The following PTGS1 variants were observed in gnomAD, a reference collection of about 807,000 sequenced individuals.
PTGS1 encodes prostaglandin G/H synthase 1.
In PTGS1, 40 loss-of-function variants were observed where a neutral mutation model predicts 63.0. The observed-to-expected ratio is 0.63, with a 90% CI of 0.49 to 0.83. PTGS1 has a LOEUF of 0.83. Among genes scored for constraint, PTGS1 ranks in the 40% least tolerant of loss-of-function variants. PTGS1 has a pLI of 0.00. For synonymous variants in PTGS1, 298 were observed against 301.9 expected (o/e 0.99, Z 0.13); for missense variants, 709 against 786.5 (o/e 0.90, Z 1.18).
Position 122,378,804 on chromosome 9 carries a change from A to G in PTGS1, c.382A>G (p.Thr128Ala). ...CTCCAACCTTATCCCCAGTCCCCCC[A>G]CCTACAACTCAGCACATGACTACAT... is the stretch of plus-strand genomic sequence containing the variant. ...VRSNLIPSPPTYNSAHDYISW... is the reference protein window; with the variant it reads ...VRSNLIPSPPAYNSAHDYISW... Residue 128 changes from threonine to alanine, a missense_variant, in exon 5 of 11, where the codon ACC becomes GCC. Physicochemically the swap from Thr to Ala is moderately conservative, Grantham distance 58. Coordinates refer to ENST00000362012, the MANE Select transcript of PTGS1 (RefSeq NM_000962.4). 1 of 1,614,116 alleles carries G rather than the reference A, an allele frequency of 6.2e-7. No homozygotes were observed. The highest frequency in any genetic ancestry group is 8.5e-7 in the Non-Finnish European group (1 of 1,179,998).
chr9:122,378,238 G>A (rs1345633887), intron 3 of PTGS1, among the ~76,000 whole-genome samples, 195 bp from the exon 4 acceptor site: 1 of 152,090 alleles, frequency 6.6e-6, no homozygotes, highest in Non-Finnish European at 1.5e-5. Flanking sequence ...TTCACCACAT[G>A]CCCTGGCCCC....
At chr9:122,377,478 C>G (rs1043030311) in intron 2 of PTGS1, among the ~76,000 whole-genome samples, 2 of 151,144 alleles carry the variant, frequency 1.3e-5, no homozygotes, top group African/African-American at 4.9e-5. Context: ...GCCCCCCCAC[C>G]CCCCGCCCCG....
At chr9:122,384,394 C>T (rs891607994) in intron 8 of PTGS1, among the ~76,000 whole-genome samples, 1 of 152,160 alleles carries the variant, frequency 6.6e-6, no homozygotes, top group African/African-American at 2.4e-5. Flanking sequence ...CTGGGCATGG[C>T]TGGTCCCAAT....
rs752058529 is a variant in PTGS1 at position 122,381,360 on chromosome 9, C to A, written c.497-11C>A. The A allele has an allele frequency of 3.1e-6, 5 of 1,613,122 alleles. No homozygotes were observed. Among genetic ancestry groups the A allele is most frequent in the South Asian group, 1.1e-5 (1 of 90,884 alleles). ...AGGAGAAGCTACTGCTGTTTCCTAC[C>A]CCCCAACCAGGGAAGAAGCAGTTGC... On this transcript the variant is annotated splice_polypyrimidine_tract_variant and intron_variant, in intron 5 of 10. Transcript: ENST00000362012.
chr9:122,372,005 C>T (rs770470494), intron 2 of PTGS1, among the ~76,000 whole-genome samples: 6 of 152,098 alleles, frequency 3.9e-5, no homozygotes, highest in African/African-American at 7.2e-5. Context: ...GGGGAAATTC[C>T]GCCCTTCCCT....
At chr9:122,371,368 C>G (rs1274699901) in intron 2 of PTGS1, 96 bp downstream of exon 2, 3 of 1,561,648 alleles carry the variant, frequency 1.9e-6, no homozygotes, top group Middle Eastern at 2.2e-4. Context: ...CCCAGCTTCC[C>G]CTTTCTGCTC....
At position 122,378,518 on chromosome 9, in the gene PTGS1, G is replaced by A; in HGVS notation, c.297G>A (p.Trp99Ter). Residue 99 changes from tryptophan (W) to a stop codon, truncating the protein, a stop_gained, in exon 4 of 11, where the codon TGG becomes TGA. Coordinates refer to ENST00000362012, the MANE Select transcript of PTGS1 (RefSeq NM_000962.4). LOFTEE classifies it high-confidence loss of function. ...HFLLTHGRWF[W>*]EFVNATFIRE... ...TGCTCACTCACGGGCGCTGGTTCTG[G>A]GAGTTTGTCAATGCCACCTTCATCC... 1 of 1,614,208 alleles carries A rather than the reference G, an allele frequency of 6.2e-7. No homozygotes were observed. Among genetic ancestry groups the A allele is most frequent in the East Asian group, 2.2e-5 (1 of 44,862 alleles).
At position 122,377,894 on chromosome 9, in the gene PTGS1, C is replaced by T. The variant is rs1396188528; in HGVS notation, c.95-5C>T. 2 of 1,613,216 alleles carry T rather than the reference C, an allele frequency of 1.2e-6. No homozygotes were observed. Among genetic ancestry groups the T allele is most frequent in the Non-Finnish European group, 1.7e-6 (2 of 1,179,262 alleles). On this transcript the variant is annotated splice_region_variant and splice_polypyrimidine_tract_variant and intron_variant, in intron 2 of 10. Transcript: ENST00000362012. The stretch of plus-strand genomic sequence containing the variant: ...TGGTCTCTGACCTCCATTTCTCACC[C>T]ACAGTGAATCCCTGTTGTTACTATC...
At position 122,393,029 on chromosome 9, in the gene PTGS1, G is replaced by T. The variant is rs2119200297; in HGVS notation, c.*485G>T. On this transcript the variant is annotated 3_prime_UTR_variant, in exon 11 of 11. Coordinates refer to ENST00000362012, the MANE Select transcript of PTGS1 (RefSeq NM_000962.4). ...ATCTGGCTGTCTAGAATGTGGATTT[G>T]ATTCATTTTCCTGTTCAGTGAGATA... 6.3e-6 allele frequency: 1 copy of T among 158,140 alleles called. No individual in the cohort carries two copies. The highest frequency in any genetic ancestry group is 1.8e-4 in the East Asian group (1 of 5,496). 9.8% of individuals were successfully genotyped at this position (158,140 alleles called of 1,614,324 possible).
intron 7 of PTGS1, among the ~76,000 whole-genome samples, chr9:122,383,063 G>A (rs1837620118): frequency 6.6e-6 from 1 of 152,120 alleles, no homozygotes; most frequent in Non-Finnish European, 1.5e-5. Flanking sequence ...GCGTAAGAAT[G>A]ACTTTACAGG....
chr9:122,380,258 G>A (rs1017125139), intron 5 of PTGS1, among the ~76,000 whole-genome samples: 1 of 151,964 alleles, frequency 6.6e-6, no homozygotes, highest in East Asian at 1.9e-4. Context: ...GAGCTCAGGA[G>A]TTCAAGTCCA....
At chr9:122,386,348 C>A in intron 8 of PTGS1, 98 bp from the exon 9 acceptor site, 1 of 1,329,820 alleles carries the variant, frequency 7.5e-7, no homozygotes, top group Non-Finnish European at 1.1e-6. Flanking sequence ...AATAAAGAGA[C>A]CAAAAGCAAG....
At position 122,386,688 on chromosome 9, in the gene PTGS1, G is replaced by T; in HGVS notation, c.1252G>T (p.Val418Phe). The change falls in exon 9 of 11, where the codon GTT becomes TTT. Residue 418 changes from valine to phenylalanine, a missense_variant. By Grantham distance (50) the Val-to-Phe change is conservative. Transcript: ENST00000362012. ...FNTSMLVDYG[V>F]EALVDAFSRQ... Reference sequence around the variant, plus strand: ...CACCTCCATGTTGGTGGACTATGGGGTTGAGGCCCTGGTGGATGCCTTCTC... The same window carrying T: ...CACCTCCATGTTGGTGGACTATGGGTTTGAGGCCCTGGTGGATGCCTTCTC... The T allele has an allele frequency of 1.9e-6, 3 of 1,614,216 alleles. No individual in the cohort carries two copies. The highest frequency in any genetic ancestry group is 2.5e-6 in the Non-Finnish European group (3 of 1,180,052).
Position 122,392,305 on chromosome 9 carries a change from A to T in PTGS1, c.1561A>T (p.Met521Leu), listed in dbSNP as rs1352321780. Residue 521 changes from methionine to leucine, a missense_variant, in exon 11 of 11, where the codon ATG becomes TTG. By Grantham distance (15) the Met-to-Leu change is conservative (BLOSUM62 2). Coordinates refer to ENST00000362012, the MANE Select transcript of PTGS1 (RefSeq NM_000962.4). ...TCCAAACTCTATCTTTGGGGAGAGT[A>T]TGATAGAGATTGGGGCTCCCTTTTC... ...CHPNSIFGES[M>L]IEIGAPFSLK... 1.9e-6 allele frequency: 3 copies of T among 1,614,148 alleles called. No individual in the cohort carries two copies. The highest frequency in any genetic ancestry group is 2.5e-6 in the Non-Finnish European group (3 of 1,180,006).
At chr9:122,377,788 G>A (rs561249299) in intron 2 of PTGS1, 111 bp from the exon 3 acceptor site, 59 of 928,182 alleles carry the variant, frequency 6.4e-5, no homozygotes, top group Middle Eastern at 2.2e-4. Context: ...GATTCAGGAC[G>A]GAGCTGCGAC....
At chr9:122,377,363 C>T (rs768549370) in intron 2 of PTGS1, among the ~76,000 whole-genome samples, 1 of 152,094 alleles carries the variant, frequency 6.6e-6, no homozygotes, top group Non-Finnish European at 1.5e-5. Flanking sequence ...CTCTTCTCTA[C>T]CTTCTGCAGA....
chr9:122,389,352 T>C (rs1232670258), intron 9 of PTGS1, among the ~76,000 whole-genome samples: 2 of 152,068 alleles, frequency 1.3e-5, no homozygotes, highest in South Asian at 2.1e-4. Context: ...GTCTTTGCCA[T>C]GTTGGCCAGG....
intron 2 of PTGS1, among the ~76,000 whole-genome samples, chr9:122,376,652 T>C (rs889732958): frequency 6.6e-6 from 1 of 152,222 alleles, no homozygotes; most frequent in Non-Finnish European, 1.5e-5. Context: ...ACGTTGGCTC[T>C]GAGCCCAGAT....
chr9:122,371,653 A>G (rs1836817394), intron 2 of PTGS1: 2 of 1,436,820 alleles, frequency 1.4e-6, no homozygotes, highest in African/African-American at 2.9e-5. Flanking sequence ...AAGGGAAATG[A>G]GTTCCCTTTC....
Sources: allele counts gnomAD v4.1 joint callset (sites outside exome capture counted in the v4.1 genomes callset), GRCh38; gene constraint gnomAD v4.1.1; transcripts MANE v1.5; gene names NCBI Gene and HGNC (gene_info 2026-07-23, HGNC 2026-07-21).